Variants in MSLN observed in about 807,000 individuals in gnomAD.
MSLN encodes mesothelin, also known as CAK1 antigen.
MSLN carries 82 observed loss-of-function variants against 72.6 expected under a neutral mutation model. That is an observed-to-expected ratio of 1.13 (90% CI 0.94 to 1.36). The LOEUF is 1.36. MSLN is among the 40% of genes most tolerant of loss of function. MSLN has a pLI of 0.00. For missense variants in MSLN, 1,005 were observed against 847.9 expected (o/e 1.19, Z -2.30); for synonymous variants, 456 against 387.3 (o/e 1.18, Z -2.08).
intron 16 of MSLN, among the ~76,000 whole-genome samples, chr16:767,943 G>A (rs1351488558): frequency 6.9e-5 from 2 of 28,916 alleles, no homozygotes; most frequent in Non-Finnish European, 1.1e-4. Context: ...GAGGGGTCGC[G>A]TGGAGGAGGG....
rs566010506 is a variant in MSLN, at chr16:768,481, C to G, written c.1699C>G (p.Arg567Gly). The change falls in exon 17 of 18, where the codon CGG (arginine) becomes GGG (glycine). Residue 567 changes from arginine (R) to glycine (G), a missense_variant. By Grantham distance (125) the Arg-to-Gly change is moderately radical. Transcript: ENST00000545450. The part of the protein sequence containing the change: ...RPVRDWILRQ[R>G]QDDLDTLGLG... ...GGTGCGGGACTGGATCCTACGGCAG[C>G]GGCAGGACGACCTGGACACGCTGGG... is the stretch of plus-strand genomic sequence containing the variant. The G allele has an allele frequency of 4.5e-6, 7 of 1,572,988 alleles. No homozygotes were observed. Among genetic ancestry groups the G allele is most frequent in the Non-Finnish European group, 4.3e-6 (5 of 1,156,890 alleles).
intron 9 of MSLN, 64 bp downstream of exon 9, chr16:765,367 C>T: frequency 1.4e-6 from 2 of 1,463,970 alleles, no homozygotes; most frequent in Non-Finnish European, 1.8e-6. Flanking sequence ...AGCGTGAGGA[C>T]ACTTGCGGCC....
chr16:768,776 C>T lies in MSLN; in HGVS notation c.*43C>T, dbSNP rs577248756. 69 of 1,594,876 alleles carry T rather than the reference C, an allele frequency of 4.3e-5. No homozygotes were observed. In the South Asian group the frequency reaches 4.8e-4, roughly 11 times the overall value. ...TGGCCCCAGCCCTGCTGGGGATCCC[C>T]GCCTGGCCAGGAGCAGGCACGGGTG... On this transcript the variant is annotated 3_prime_UTR_variant, in exon 18 of 18. Coordinates refer to ENST00000545450, the MANE Select transcript of MSLN (RefSeq NM_005823.6).
rs767621380 is a variant in MSLN at position 766,778 on chromosome 16, G to A, written c.1341G>A (p.Glu447=). The change falls in exon 14 of 18, where the codon GAG becomes GAA. Residue 447 remains glutamate (E), a synonymous_variant. Transcript: ENST00000545450. The part of the protein sequence containing the change: ...YPGYLCSLSP[E]ELSSVPPSSI... ...GGTACCTGTGCTCCCTCAGCCCCGA[G>A]GAGCTGAGCTCCGTGCCCCCCAGCA... is the stretch of plus-strand genomic sequence containing the variant. 7 of 1,612,586 alleles carry A rather than the reference G, an allele frequency of 4.3e-6. No homozygotes were observed. In the East Asian group the frequency reaches 1.1e-4, roughly 26 times the overall value.
intron 7 of MSLN, 65 bp from the exon 8 acceptor site, chr16:764,842 G>A: frequency 1.3e-6 from 2 of 1,594,128 alleles, no homozygotes; most frequent in Non-Finnish European, 1.7e-6. Flanking sequence ...GGCCGGCCGG[G>A]CTGCCTCTCA....
chr16:762,550 T>C, intron 2 of MSLN, 122 bp from the exon 3 acceptor site: 1 of 733,092 alleles, frequency 1.4e-6, no homozygotes, highest in South Asian at 1.6e-5. Context: ...GGACACAAGC[T>C]GCAGGTACCA....
chr16:762,222 C>T (rs2041544622), intron 2 of MSLN, among the ~76,000 whole-genome samples: 1 of 152,252 alleles, frequency 6.6e-6, no homozygotes, highest in East Asian at 1.9e-4. Context: ...CTGGCAGAGC[C>T]TGGGGTGTTC....
rs373919537 is a variant in MSLN, at chr16:766,918, C to T, written c.1407C>T (p.Asp469=). ...GGCCCCAGGACCTGGACACGTGTGA[C>T]CCAAGGCAGCTGGACGTCCTCTATC... The part of the protein sequence containing the change: ...AVRPQDLDTC[D]PRQLDVLYPK... Residue 469 remains aspartate, a synonymous_variant, in exon 15 of 18, where the codon GAC becomes GAT. Transcript: ENST00000545450. 5.4e-5 allele frequency: 87 copies of T among 1,612,550 alleles called. No homozygotes were observed. The highest frequency in any genetic ancestry group is 4.9e-4 in the Middle Eastern group (3 of 6,082).
Position 768,694 on chromosome 16 carries a change from C to T in MSLN, c.1830C>T (p.Leu610=). 2 of 1,611,088 alleles carry T rather than the reference C, an allele frequency of 1.2e-6. No individual in the cohort carries two copies. Among genetic ancestry groups the T allele is most frequent in the Non-Finnish European group, 1.7e-6 (2 of 1,179,526 alleles). The change falls in exon 18 of 18, where the codon CTC becomes CTT. Residue 610 remains leucine, a synonymous_variant. Transcript: ENST00000545450. ...TPCLLGPGPV[L]TVLALLLAST... ...GCCTCCTAGGACCTGGACCTGTTCT[C>T]ACCGTCCTGGCACTGCTCCTAGCCT... is the stretch of plus-strand genomic sequence containing the variant.
intron 16 of MSLN, 108 bp from the exon 17 acceptor site, chr16:768,271 G>A (rs377035616): frequency 2.8e-4 from 330 of 1,159,012 alleles, no homozygotes; most frequent in Non-Finnish European, 3.1e-4. Flanking sequence ...GAGAGGCTGC[G>A]GTGGGCATCT....
intron 1 of MSLN, 103 bp downstream of exon 1, chr16:760,924 T>C (rs1473887071): frequency 6.6e-6 from 1 of 152,212 alleles, no homozygotes; most frequent in East Asian, 1.9e-4. Flanking sequence ...GCCCGGGCGT[T>C]AGGGGTAAAG....
At position 763,670 on chromosome 16, in the gene MSLN, C is replaced by G; in HGVS notation, c.158C>G (p.Ala53Gly). Residue 53 changes from alanine to glycine, a missense_variant, in exon 5 of 18, where the codon GCC becomes GGC. Transcript: ENST00000545450. The part of the protein sequence containing the change: ...QEAAPLDGVL[A>G]NPPNISSLSP... The stretch of plus-strand genomic sequence containing the variant: ...GCTGCGCCCCTGGACGGAGTCCTGG[C>G]CAACCCACCTAACATTTCCAGGTGG... 6.2e-7 allele frequency: 1 copy of G among 1,603,760 alleles called. No individual in the cohort carries two copies. The highest frequency in any genetic ancestry group is 8.5e-7 in the Non-Finnish European group (1 of 1,173,824).
chr16:768,363 C>T lies in MSLN; in HGVS notation c.1597-16C>T. On this transcript the variant is annotated splice_polypyrimidine_tract_variant and intron_variant, in intron 16 of 17. Coordinates refer to ENST00000545450, the MANE Select transcript of MSLN (RefSeq NM_005823.6). ...GAAGGAGACCCTCCTTGATGGCTGC[C>T]CGGGGTCTCTGGCAGCCGTTGACTG... The T allele has an allele frequency of 2.7e-6, 4 of 1,501,654 alleles. No homozygotes were observed. Among genetic ancestry groups the T allele is most frequent in the Non-Finnish European group, 3.6e-6 (4 of 1,123,908 alleles). 93.0% of individuals were successfully genotyped at this position (1,501,654 alleles called of 1,614,324 possible). A position where few individuals can be genotyped will look rare whatever the true frequency, so the allele number is the denominator to read the frequency against.
At chr16:763,961 G>C in intron 5 of MSLN, 62 bp from the exon 6 acceptor site, 2 of 1,582,474 alleles carry the variant, frequency 1.3e-6, no homozygotes, top group Non-Finnish European at 1.7e-6. Context: ...GGCTTGGGGA[G>C]CACTGGGTGG....
chr16:764,215 C>T (rs1053682837), intron 6 of MSLN, 72 bp downstream of exon 6: 13 of 1,535,976 alleles, frequency 8.5e-6, no homozygotes, highest in Admixed American at 1.8e-5. Flanking sequence ...TCTGCAGTGC[C>T]CACCTTGCCA....
In MSLN at chr16:765,756, C is replaced by T; in HGVS notation, c.861C>T (p.Thr287=). Reference sequence around the variant, plus strand: ...CATCCTGGCGGCAGCCTGAACGGACCATCCTCCGGCCGCGGTTCCGGCGGG... The same window carrying T: ...CATCCTGGCGGCAGCCTGAACGGACTATCCTCCGGCCGCGGTTCCGGCGGG... The part of the protein sequence containing the change: ...RDPSWRQPER[T]ILRPRFRREV... Residue 287 remains threonine (T), a synonymous_variant, in exon 11 of 18, where the codon ACC becomes ACT. Coordinates refer to ENST00000545450, the MANE Select transcript of MSLN (RefSeq NM_005823.6). 1.9e-6 allele frequency: 3 copies of T among 1,600,452 alleles called. No homozygotes were observed. The highest frequency in any genetic ancestry group is 4.5e-5 in the East Asian group (2 of 44,870).
chr16:768,087 GAA>G (rs2041663089), intron 16 of MSLN, among the ~76,000 whole-genome samples: 2 of 118,908 alleles, frequency 1.7e-5, no homozygotes, highest in East Asian at 2.9e-4. Flanking sequence ...GGCAAGTGGA[GAA>G]GCCCTGGTGG....
At chr16:761,760 G>A (rs1358623906) in intron 2 of MSLN, among the ~76,000 whole-genome samples, 1 of 152,234 alleles carries the variant, frequency 6.6e-6, no homozygotes, top group Non-Finnish European at 1.5e-5. Flanking sequence ...ATTCCCCAGT[G>A]GCCGGGCCGA....
Position 766,402 on chromosome 16 carries a change from C to T in MSLN, c.1142C>T (p.Pro381Leu), listed in dbSNP as rs772903462. Reference protein sequence around the residue: ...HLGYLFLKMSPEDIRKWNVTS... With the variant: ...HLGYLFLKMSLEDIRKWNVTS... ...GGCTACCTCTTCCTCAAGATGAGCC[C>T]TGAGGACATTCGCAAGTGGAATGTG... The change falls in exon 13 of 18, where the codon CCT (proline) becomes CTT (leucine). Residue 381 changes from proline to leucine, a missense_variant. Pro to Leu is a moderately conservative substitution (Grantham distance 98). Transcript: ENST00000545450. 17 of 1,612,728 alleles carry T rather than the reference C, an allele frequency of 1.1e-5. No homozygotes were observed. The South Asian group carries it at 1.9e-4, about 18-fold the overall frequency.
Sources: gnomAD v4.1 joint callset for allele counts (sites outside exome capture counted in the v4.1 genomes callset) on GRCh38, gnomAD v4.1.1 for gene constraint, MANE v1.5 for transcripts, NCBI Gene and HGNC (gene_info 2026-07-23, HGNC 2026-07-21) for gene names.